Variants in CDH15 observed in about 807,000 individuals in gnomAD.
The protein encoded by CDH15 is cadherin 15, also known as cadherin-15.
In CDH15, 73 loss-of-function variants were observed where a neutral mutation model predicts 69.4. That is an observed-to-expected ratio of 1.05 (90% CI 0.87 to 1.28). The LOEUF is 1.28. Among genes scored for constraint, CDH15 ranks in the 50% most tolerant of loss-of-function variants. The pLI is 0.00. For synonymous variants in CDH15, 624 were observed against 507.7 expected, an observed-to-expected ratio of 1.23 and a Z score of -3.08; for missense variants, 1,343 against 1,133.6, an observed-to-expected ratio of 1.18 and a Z score of -2.65.
At position 89,192,270 on chromosome 16, in the gene CDH15, C is replaced by T. The variant is rs1419951367; in HGVS notation, c.1681C>T (p.Leu561Phe). 9.8e-6 allele frequency: 15 copies of T among 1,530,918 alleles called. No individual in the cohort carries two copies. Among genetic ancestry groups the T allele is most frequent in the African/African-American group, 2.8e-5 (2 of 72,588 alleles). The allele number at this position is 1,530,918 out of a possible 1,614,324, so 94.8% of individuals were successfully genotyped here. A position where few individuals can be genotyped will look rare whatever the true frequency, so the allele number is the denominator to read the frequency against. ...PEGLHRLSLL[L>F]RDSGQPPQQR... The stretch of plus-strand genomic sequence containing the variant: ...AGGCCTGCACCGCCTCAGCCTGCTG[C>T]TCCGGGACTCGGGGCAGCCGCCCCA... The change falls in exon 11 of 14, where the codon CTC becomes TTC. Residue 561 changes from leucine to phenylalanine, a missense_variant. Physicochemically the swap from Leu to Phe is conservative, Grantham distance 22 (BLOSUM62 0). Transcript: ENST00000289746.
intron 5 of CDH15, 23 bp from the exon 6 acceptor site, chr16:89,187,406 G>T: frequency 1.2e-6 from 2 of 1,611,696 alleles, no homozygotes; most frequent in South Asian, 2.2e-5. Flanking sequence ...CTCATCTTCT[G>T]ACCCTGTGCC....
In CDH15 at chr16:89,194,731, GC is replaced by G. The variant is rs34617960; in HGVS notation, c.2152-126del. 17 of 887,622 alleles carry G rather than the reference GC, an allele frequency of 1.9e-5. No homozygotes were observed. In the African/African-American group the frequency reaches 2.3e-4, roughly 12 times the overall value. The allele number at this position is 887,622 out of a possible 1,614,324, so 55.0% of individuals were successfully genotyped here. On this transcript the variant is annotated intron_variant, in intron 13 of 13. Coordinates refer to ENST00000289746, the MANE Select transcript of CDH15 (RefSeq NM_004933.3). The stretch of plus-strand genomic sequence containing the variant: ...GACGCTTTGCCTCCCCTCAGACCTC[GC>G]CCCCGGACGTGGGCAGCTTCCCCTT...
Position 89,191,373 on chromosome 16 carries a change from G to C in CDH15, c.1276G>C (p.Ala426Pro), listed in dbSNP as rs759339356. The C allele has an allele frequency of 1.4e-5, 23 of 1,612,110 alleles. No individual in the cohort carries two copies. The highest frequency in any genetic ancestry group is 1.4e-5 in the Non-Finnish European group (17 of 1,179,876). The change falls in exon 9 of 14, where the codon GCA becomes CCA. Residue 426 changes from alanine to proline, a missense_variant. Physicochemically the swap from Ala to Pro is conservative, Grantham distance 27 (BLOSUM62 -1). Transcript: ENST00000289746. ...CCCGGAAGACTGGCTGCAAGTGGAC[G>C]CAGCCACTGGCCGGATCCAGACCCA... ...YDPEDWLQVD[A>P]ATGRIQTQHV...
intron 2 of CDH15, 65 bp from the exon 3 acceptor site, chr16:89,180,135 G>A (rs1233001570): frequency 1.1e-5 from 17 of 1,573,250 alleles, no homozygotes; most frequent in Non-Finnish European, 1.5e-5. Context: ...GGCCTGAGGG[G>A]CTGCAGAGAG....
At chr16:89,178,260 G>A (rs1188139848) in intron 1 of CDH15, among the ~76,000 whole-genome samples, 1 of 152,064 alleles carries the variant, frequency 6.6e-6, no homozygotes, top group South Asian at 2.1e-4. Context: ...GGGTCGTCCC[G>A]GCCCTGGAGT....
intron 1 of CDH15, among the ~76,000 whole-genome samples, chr16:89,173,946 C>A (rs1045604159): frequency 6.6e-5 from 10 of 152,218 alleles, no homozygotes; most frequent in African/African-American, 2.2e-4. Context: ...TGGGAAGGTC[C>A]CCACTTCTGC....
In CDH15 at chr16:89,191,961, G is replaced by A. The variant is rs535828076; in HGVS notation, c.1615+67G>A. 34 of 1,439,972 alleles carry A rather than the reference G, an allele frequency of 2.4e-5. No individual in the cohort carries two copies. The Admixed American group carries it at 2.8e-4, about 12-fold the overall frequency. 89.2% of individuals were successfully genotyped at this position (1,439,972 alleles called of 1,614,324 possible). A position where few individuals can be genotyped will look rare whatever the true frequency, so the allele number is the denominator to read the frequency against. On this transcript the variant is annotated intron_variant, in intron 10 of 13. Transcript: ENST00000289746. The stretch of plus-strand genomic sequence containing the variant: ...CCCCCCACCCCCACATTCCGGCCTC[G>A]GACGGGGGCAGGAGGGTGAGGGGCA...
At position 89,192,434 on chromosome 16, in the gene CDH15, C is replaced by A; in HGVS notation, c.1845C>A (p.Leu615=). The change falls in exon 11 of 14, where the codon CTC becomes CTA. Residue 615 remains leucine, a synonymous_variant. Transcript: ENST00000289746. ...TGGTCATCGTGCTGGCCAGCGCCCT[C>A]CTGCTGCTGGGTGAGTGAGCGCCCC... ...GALVIVLASA[L]LLLVLVLLVA... 6.4e-7 allele frequency: 1 copy of A among 1,558,304 alleles called. No homozygotes were observed. Among genetic ancestry groups the A allele is most frequent in the South Asian group, 1.2e-5 (1 of 86,068 alleles).
At chr16:89,193,731 T>A in intron 12 of CDH15, 24 bp from the exon 13 acceptor site, 1 of 1,598,966 alleles carries the variant, frequency 6.3e-7, no homozygotes, top group Non-Finnish European at 8.5e-7. Flanking sequence ...GATGCCTGGC[T>A]CTGTTCCACC....
In CDH15 at chr16:89,185,336, G is replaced by A. The variant is rs1248105107; in HGVS notation, c.663+3G>A. ...TGCAAGTGGGGCTGGACCGCGAGGTGAGGTGGCGCCCCGGCAGCTCCACAC... is the reference window on the plus strand; with the variant it reads ...TGCAAGTGGGGCTGGACCGCGAGGTAAGGTGGCGCCCCGGCAGCTCCACAC... On this transcript the variant is annotated splice_donor_region_variant and intron_variant, in intron 5 of 13. Transcript: ENST00000289746. The A allele has an allele frequency of 6.3e-7, 1 of 1,596,934 alleles. No homozygotes were observed. The highest frequency in any genetic ancestry group is 1.3e-5 in the African/African-American group (1 of 74,684).
chr16:89,179,991 T>A (rs1458502267), intron 2 of CDH15, among the ~76,000 whole-genome samples: 1 of 152,096 alleles, frequency 6.6e-6, no homozygotes. Context: ...GAGCCTGAAA[T>A]GAGGCTGCAA....
chr16:89,182,096 C>G (rs12923198), intron 3 of CDH15, among the ~76,000 whole-genome samples: 1,387 of 74,136 alleles, frequency 0.019, 36 homozygotes, highest in Non-Finnish European at 0.029. Flanking sequence ...CCCCCAGCCT[C>G]CCCTCCCCCA....
intron 1 of CDH15, among the ~76,000 whole-genome samples, chr16:89,178,668 G>A (rs965276550): frequency 1.3e-5 from 2 of 151,978 alleles, no homozygotes; most frequent in African/African-American, 2.4e-5. Context: ...CAGACCAGCA[G>A]CAGCTGCAGG....
At chr16:89,177,170 C>T (rs1419428581) in intron 1 of CDH15, among the ~76,000 whole-genome samples, 4 of 150,434 alleles carry the variant, frequency 2.7e-5, no homozygotes, top group South Asian at 2.2e-4. Flanking sequence ...CCTCACTACA[C>T]GTGGTACCGG....
chr16:89,174,826 C>T (rs73259903), intron 1 of CDH15, among the ~76,000 whole-genome samples: 9,157 of 152,236 alleles, frequency 0.06, 903 homozygotes, highest in African/African-American at 0.21. Flanking sequence ...CAAAATCCAC[C>T]TCCCAGGGTG....
At chr16:89,181,775 T>C (rs1313469505) in intron 3 of CDH15, among the ~76,000 whole-genome samples, 1 of 151,688 alleles carries the variant, frequency 6.6e-6, no homozygotes, top group Admixed American at 6.6e-5. Flanking sequence ...CCGTCTCTAC[T>C]AAAAAATACA....
Position 89,192,385 on chromosome 16 carries a change from G to A in CDH15, c.1796G>A (p.Gly599Asp), listed in dbSNP as rs779470688. ...LPGAAALLAGGTGLSLGALVI... is the reference protein window; with the variant it reads ...LPGAAALLAGDTGLSLGALVI... ...GGGGCCGCAGCGCTGCTGGCGGGGG[G>A]CACAGGCCTCAGCCTGGGCGCACTG... Residue 599 changes from glycine to aspartate, a missense_variant, in exon 11 of 14, where the codon GGC (glycine) becomes GAC (aspartate). Transcript: ENST00000289746. 4.6e-6 allele frequency: 7 copies of A among 1,537,978 alleles called. No homozygotes were observed. The highest frequency in any genetic ancestry group is 6.1e-6 in the Non-Finnish European group (7 of 1,148,442).
Position 89,193,798 on chromosome 16 carries a change from G to T in CDH15, c.2036G>T (p.Ser679Ile), listed in dbSNP as rs1915716245. ...CAGCTGCGTCACCCGACAGCGCTGAGCCTGCCTCTGGGACCGCCGCCACTT... is the reference window on the plus strand; with the variant it reads ...CAGCTGCGTCACCCGACAGCGCTGATCCTGCCTCTGGGACCGCCGCCACTT... ...ISQLRHPTAL[S>I]LPLGPPPLRR... is the part of the protein sequence containing the mutation. Residue 679 changes from serine to isoleucine, a missense_variant, in exon 13 of 14, where the codon AGC becomes ATC. Coordinates refer to ENST00000289746, the MANE Select transcript of CDH15 (RefSeq NM_004933.3). 1 of 1,606,860 alleles carries T rather than the reference G, an allele frequency of 6.2e-7. No homozygotes were observed. The highest frequency in any genetic ancestry group is 8.5e-7 in the Non-Finnish European group (1 of 1,179,246).
intron 13 of CDH15, among the ~76,000 whole-genome samples, chr16:89,194,612 C>A (rs1255921299): frequency 6.6e-6 from 1 of 152,034 alleles, no homozygotes; most frequent in East Asian, 1.9e-4. Flanking sequence ...TGGGGCAGGG[C>A]AGAGCCCCGG....
Sources: allele counts gnomAD v4.1 joint callset (sites outside exome capture counted in the v4.1 genomes callset), GRCh38; gene constraint gnomAD v4.1.1; transcripts MANE v1.5; gene names NCBI Gene and HGNC (gene_info 2026-07-23, HGNC 2026-07-21).